The following LZTFL1 variants were observed in gnomAD, a reference collection of about 807,000 sequenced individuals.
The protein encoded by LZTFL1 is leucine zipper transcription factor like 1.
A neutral mutation model predicts 45.9 loss-of-function variants in LZTFL1; 25 were observed. The observed-to-expected ratio is 0.54, with a 90% CI of 0.40 to 0.76. The LOEUF (loss-of-function observed/expected upper bound fraction) is 0.76. LZTFL1 is among the 30% of genes least tolerant of loss of function. LZTFL1 has a pLI of 0.00. For synonymous variants in LZTFL1, 93 were observed against 117.4 expected, an observed-to-expected ratio of 0.79 and a Z score of 1.35; for missense variants, 277 against 331.1, an observed-to-expected ratio of 0.84 and a Z score of 1.27.
At chr3:45,867,166 A>C (rs1159349288) in intron 2 of LZTFL1, among the ~76,000 whole-genome samples, 1 of 151,786 alleles carries the variant, frequency 6.6e-6, no homozygotes, top group African/African-American at 2.4e-5. Context: ...AAAAAAAAAA[A>C]AAAAACCCAA....
intron 3 of LZTFL1, among the ~76,000 whole-genome samples, chr3:45,857,225 A>G (rs376768387): frequency 7.7e-4 from 118 of 152,354 alleles, no homozygotes; most frequent in African/African-American, 2.6e-3. Flanking sequence ...TTGCAGGGAT[A>G]TGGATGGAGC....
chr3:45,856,909 T>C (rs1170425693), intron 3 of LZTFL1, among the ~76,000 whole-genome samples: 2 of 152,196 alleles, frequency 1.3e-5, no homozygotes, highest in Non-Finnish European at 2.9e-5. Context: ...AGGAACACTT[T>C]TACACTTTGG....
Position 45,824,702 on chromosome 3 carries a change from T to G in LZTFL1, c.*1612A>C, listed in dbSNP as rs1014386269. The G allele has an allele frequency of 2.3e-5, 9 of 397,128 alleles. No homozygotes were observed. The highest frequency in any genetic ancestry group is 3.6e-5 in the Non-Finnish European group (8 of 225,196). 24.6% of individuals were successfully genotyped at this position (397,128 alleles called of 1,614,324 possible). Reference sequence around the variant, plus strand: ...ATTGAATGGTTTCTGAAGGCCACACTAGCCCTTTAGCCAAGAGTTCTGCTT... The same window carrying G: ...ATTGAATGGTTTCTGAAGGCCACACGAGCCCTTTAGCCAAGAGTTCTGCTT... On this transcript the variant is annotated 3_prime_UTR_variant, in exon 10 of 10. Coordinates refer to ENST00000296135, the MANE Select transcript of LZTFL1 (RefSeq NM_020347.4).
At chr3:45,865,388 T>C (rs1474011248) in intron 2 of LZTFL1, among the ~76,000 whole-genome samples, 1 of 152,262 alleles carries the variant, frequency 6.6e-6, no homozygotes, top group Non-Finnish European at 1.5e-5. Flanking sequence ...CATTGTTCAG[T>C]GAGTGAAACC....
chr3:45,908,113 G>A (rs1391504825), intron 2 of LZTFL1, among the ~76,000 whole-genome samples: 1 of 152,132 alleles, frequency 6.6e-6, no homozygotes, highest in East Asian at 1.9e-4. Context: ...TGGGGTTGAT[G>A]TCCCCTCTCC....
At chr3:45,842,242 CG>C, upstream of LZTFL1, 1 of 1,262,354 alleles carries the variant, frequency 7.9e-7, no homozygotes, top group South Asian at 1.6e-5. Context: ...CTTCCAGGGC[CG>C]GAAGTCCCAC....
At chr3:45,848,837 C>T (rs1023495119) in intron 4 of LZTFL1, among the ~76,000 whole-genome samples, 2 of 152,178 alleles carry the variant, frequency 1.3e-5, no homozygotes, top group African/African-American at 4.8e-5. Context: ...CCAACCTTTA[C>T]ATATATTTTA....
intron 2 of LZTFL1, among the ~76,000 whole-genome samples, chr3:45,871,893 G>A (rs543312500): frequency 1.3e-5 from 2 of 152,310 alleles, no homozygotes; most frequent in East Asian, 3.9e-4. Flanking sequence ...ACTATTTCCT[G>A]TAGAAATCCT....
intron 2 of LZTFL1, among the ~76,000 whole-genome samples, chr3:45,865,966 C>G (rs1049535090): frequency 6.6e-6 from 1 of 152,112 alleles, no homozygotes; most frequent in Admixed American, 6.5e-5. Flanking sequence ...TAATAGGAAA[C>G]AACTATTGGT....
intron 2 of LZTFL1, among the ~76,000 whole-genome samples, chr3:45,912,877 G>A (rs1311235085): frequency 3.9e-5 from 6 of 152,108 alleles, no homozygotes; most frequent in African/African-American, 1.2e-4. Flanking sequence ...TTCAAATAAC[G>A]CAGAATAATG....
chr3:45,905,873 A>C lies in LZTFL1; in HGVS notation c.-215+7247T>G, dbSNP rs1435343548. The stretch of plus-strand genomic sequence containing the variant: ...GGTGCTGGCCAACCTTGTGCCTGTC[A>C]GTCTTTTTAGCCCCTGGTCCTCAGA... On this transcript the variant is annotated intron_variant, in intron 2 of 4. Transcript: ENST00000472635. Among the ~76,000 whole-genome samples, 4 of 152,190 alleles carry C rather than the reference A, an allele frequency of 2.6e-5. No homozygotes were observed. The East Asian group carries it at 7.7e-4, about 29-fold the overall frequency.
intron 2 of LZTFL1, among the ~76,000 whole-genome samples, chr3:45,908,654 G>A (rs1405374081): frequency 2.0e-5 from 3 of 152,210 alleles, no homozygotes; most frequent in African/African-American, 7.2e-5. Context: ...GAGGAGGGCG[G>A]TGTGTGCCAA....
intron 3 of LZTFL1, chr3:45,855,218 T>C: frequency 3.6e-6 from 2 of 549,150 alleles, no homozygotes; most frequent in Non-Finnish European, 6.5e-6. Context: ...TCCACCACAA[T>C]CAAGTCGGCT....
rs552933184 is a variant in LZTFL1 at position 45,902,772 on chromosome 3, G to A, written c.-215+10348C>T. The A allele has an allele frequency of 3.6e-5, 6 of 167,182 alleles. No homozygotes were observed. In the East Asian group the frequency reaches 1.2e-3, roughly 32 times the overall value. The allele number at this position is 167,182 out of a possible 1,614,324, so 10.4% of individuals were successfully genotyped here. A position where few individuals can be genotyped will look rare whatever the true frequency, so the allele number is the denominator to read the frequency against. ...GGGTCCACCGTCTGTCTGCTCCCTA[G>A]AAAATGGGCTGGTTCTTTTGGCCCT... On this transcript the variant is annotated intron_variant, in intron 2 of 4. Coordinates refer to the LZTFL1 transcript ENST00000472635.
chr3:45,873,433 C>A (rs1291369711), intron 2 of LZTFL1, among the ~76,000 whole-genome samples: 1 of 152,158 alleles, frequency 6.6e-6, no homozygotes, highest in Non-Finnish European at 1.5e-5. Context: ...GCCTTACTTG[C>A]CTTCCCATCT....
At position 45,900,419 on chromosome 3, in the gene LZTFL1, T is replaced by C. The variant is rs1448872552; in HGVS notation, c.-215+12701A>G. On this transcript the variant is annotated intron_variant, in intron 2 of 4. Coordinates refer to the LZTFL1 transcript ENST00000472635. This position sits in a 1 kb window ranked among gnomAD's most constrained non-coding sequence, Gnocchi z 4.7. ...GATAGGAGAAGTACGATCACAGTCA[T>C]ATCACAGTTTGATAAAACTGCCCAT... 6.6e-6 allele frequency among the ~76,000 whole-genome samples: 1 copy of C among 152,152 alleles called. No individual in the cohort carries two copies. Among genetic ancestry groups the C allele is most frequent in the African/African-American group, 2.4e-5 (1 of 41,422 alleles).
chr3:45,828,108 G>C (rs1043137073), intron 8 of LZTFL1, among the ~76,000 whole-genome samples: 14 of 152,218 alleles, frequency 9.2e-5, no homozygotes, highest in African/African-American at 3.4e-4. Flanking sequence ...AAAAAAAACA[G>C]TCCCTCATCC....
In LZTFL1 at chr3:45,901,451, G is replaced by A. The variant is rs1702554792; in HGVS notation, c.-215+11669C>T. The A allele has an allele frequency of 3.7e-6, 6 of 1,614,100 alleles. No individual in the cohort carries two copies. Among genetic ancestry groups the A allele is most frequent in the Non-Finnish European group, 5.1e-6 (6 of 1,180,014 alleles). On this transcript the variant is annotated intron_variant, in intron 2 of 4. Transcript: ENST00000472635. The surrounding 1 kb of genome is among the most constrained non-coding windows in gnomAD (Gnocchi z 4.3). ...CTGTCTTGACCCTGAAGGTCATTCT[G>A]GGGTTCTTCCTTCCCTTCGTGGTCA...
At chr3:45,865,465 G>A (rs1044725410) in intron 2 of LZTFL1, among the ~76,000 whole-genome samples, 1 of 152,190 alleles carries the variant, frequency 6.6e-6, no homozygotes, top group African/African-American at 2.4e-5. Flanking sequence ...ATGCAAACAC[G>A]TGCACATGCA....
Sources: gnomAD v4.1 joint callset for allele counts (sites outside exome capture counted in the v4.1 genomes callset) on GRCh38, gnomAD v4.1.1 for gene constraint, Gnocchi (gnomAD v3.1) non-coding constraint, MANE v1.5 for transcripts, NCBI Gene and HGNC (gene_info 2026-07-23, HGNC 2026-07-21) for gene names.